The following TRAP1 variants were observed in gnomAD, a reference collection of about 807,000 sequenced individuals.
The protein encoded by TRAP1 is TNF receptor associated protein 1, also known as heat shock protein 75 kDa, mitochondrial.
TRAP1 carries 102 observed loss-of-function variants against 89.1 expected under a neutral mutation model. That is an observed-to-expected ratio of 1.15 (90% CI 0.98 to 1.35). The LOEUF (loss-of-function observed/expected upper bound fraction) is 1.35. Ranked by LOEUF, TRAP1 falls within the 40% of genes most tolerant of loss-of-function variation. The probability of loss-of-function intolerance (pLI) is 0.00; values close to 1 mark genes in which losing one functional copy is unlikely to be tolerated. For synonymous variants in TRAP1, 508 were observed against 388.0 expected, an observed-to-expected ratio of 1.31 and a Z score of -3.64; for missense variants, 1,256 against 945.3, an observed-to-expected ratio of 1.33 and a Z score of -4.31.
chr16:3,677,149 G>T (rs1021022298), intron 6 of TRAP1, among the ~76,000 whole-genome samples: 2 of 152,078 alleles, frequency 1.3e-5, no homozygotes, highest in African/African-American at 2.4e-5. Flanking sequence ...TGCCAGGGCT[G>T]GGAGGAAGCA....
intron 1 of TRAP1, 90 bp downstream of exon 1, chr16:3,717,330 TG>T: frequency 4.4e-6 from 2 of 456,616 alleles, no homozygotes; most frequent in African/African-American, 4.1e-5. Flanking sequence ...GTGAAGCAGG[TG>T]CCGGCGCCTC....
chr16:3,679,457 C>T (rs984365248), intron 5 of TRAP1, among the ~76,000 whole-genome samples: 2 of 152,086 alleles, frequency 1.3e-5, no homozygotes, highest in Admixed American at 6.5e-5. Flanking sequence ...CTACAATATA[C>T]GGCACCAATT....
At chr16:3,702,848 G>A (rs2051385777) in intron 1 of TRAP1, among the ~76,000 whole-genome samples, 1 of 151,440 alleles carries the variant, frequency 6.6e-6, no homozygotes, top group South Asian at 2.1e-4. Context: ...TTTGAGACCA[G>A]CCTGACCAAC....
rs540853737 is a variant in TRAP1 at position 3,687,827 on chromosome 16, G to A, written c.330+1228C>T. 1.0e-3 allele frequency among the ~76,000 whole-genome samples: 146 copies of A among 141,480 alleles called. 2 individuals are homozygous for A. Among genetic ancestry groups the A allele is most frequent in the Non-Finnish European group, 2.0e-3 (134 of 66,764 alleles). 92.8% of individuals were successfully genotyped at this position (141,480 alleles called of 152,430 possible). ...CATACCACTGCACTCCAGCCTGGGC[G>A]TCAGACCCAGACCCTGTTCCAAAAA... is the stretch of plus-strand genomic sequence containing the variant. On this transcript the variant is annotated intron_variant, in intron 3 of 17. Transcript: ENST00000246957.
intron 1 of TRAP1, 168 bp from the exon 2 acceptor site, chr16:3,691,153 G>A (rs965872567): frequency 2.7e-5 from 15 of 558,360 alleles, no homozygotes; most frequent in East Asian, 1.4e-4. Flanking sequence ...TCAGGGTGTG[G>A]TTTTGGCAAG....
chr16:3,699,443 C>T (rs550584253), intron 1 of TRAP1, among the ~76,000 whole-genome samples: 3 of 151,644 alleles, frequency 2.0e-5, no homozygotes, highest in South Asian at 2.1e-4. Flanking sequence ...TCAAGACCAG[C>T]GTGACCAACA....
chr16:3,702,016 G>A (rs906347600), intron 1 of TRAP1, among the ~76,000 whole-genome samples: 8 of 152,068 alleles, frequency 5.3e-5, no homozygotes, highest in South Asian at 2.1e-4. Flanking sequence ...CGAGACCAGC[G>A]TGGCCAACAT....
chr16:3,686,478 C>T (rs1454375468), intron 3 of TRAP1, among the ~76,000 whole-genome samples: 2 of 152,108 alleles, frequency 1.3e-5, no homozygotes, highest in East Asian at 3.9e-4. Context: ...CCACACCCAG[C>T]TAATTGTTTT....
chr16:3,671,244 G>A (rs1327813769), intron 11 of TRAP1, among the ~76,000 whole-genome samples: 1 of 152,152 alleles, frequency 6.6e-6, no homozygotes, highest in African/African-American at 2.4e-5. Flanking sequence ...TGAGAGCACA[G>A]GTCACTTGAA....
intron 1 of TRAP1, among the ~76,000 whole-genome samples, chr16:3,707,915 C>T (rs1028034424): frequency 4.0e-5 from 6 of 150,574 alleles, no homozygotes; most frequent in Non-Finnish European, 2.9e-5. Flanking sequence ...CCAGGCACGA[C>T]GGCTCCTGCG....
chr16:3,693,097 C>A (rs1427597375), intron 1 of TRAP1, among the ~76,000 whole-genome samples: 3 of 152,020 alleles, frequency 2.0e-5, no homozygotes, highest in Non-Finnish European at 2.9e-5. Context: ...GGACTACAGG[C>A]ACCAGCCACC....
chr16:3,689,465 C>T (rs2270186), intron 2 of TRAP1, among the ~76,000 whole-genome samples: 24,185 of 151,998 alleles, frequency 0.16, 2,005 homozygotes, highest in African/African-American at 0.18. Context: ...AGGATAGCCT[C>T]GATCTCCTGA....
intron 1 of TRAP1, among the ~76,000 whole-genome samples, chr16:3,711,329 G>A (rs997035697): frequency 3.9e-5 from 6 of 152,122 alleles, no homozygotes; most frequent in South Asian, 2.1e-4. Context: ...GGCTGGGAAC[G>A]GTGGCGCACA....
rs551078113 is a variant in TRAP1 at position 3,710,630 on chromosome 16, C to G, written c.88+6791G>C. Among the ~76,000 whole-genome samples, 187 of 152,176 alleles carry G rather than the reference C, an allele frequency of 1.2e-3. 1 individual carries two copies. Among genetic ancestry groups the G allele is most frequent in the Non-Finnish European group, 1.6e-3 (111 of 67,998 alleles). Reference sequence around the variant, plus strand: ...CTCGTGGAAAATTCGCTTGAACATTCCATTGCCTGACAAATGCTGAAATAC... The same window carrying G: ...CTCGTGGAAAATTCGCTTGAACATTGCATTGCCTGACAAATGCTGAAATAC... On this transcript the variant is annotated intron_variant, in intron 1 of 17. Transcript: ENST00000246957.
intron 4 of TRAP1, among the ~76,000 whole-genome samples, chr16:3,681,697 A>T (rs2051075264): frequency 6.6e-6 from 1 of 152,226 alleles, no homozygotes. Flanking sequence ...TACATCAGAA[A>T]CTTAAATAGA....
chr16:3,659,063 T>A (rs923879874), intron 16 of TRAP1, 198 bp from the exon 17 acceptor site: 1 of 588,478 alleles, frequency 1.7e-6, no homozygotes, highest in Admixed American at 3.4e-5. Flanking sequence ...AGTGTCAGTA[T>A]TAGAAAATGC....
intron 1 of TRAP1, among the ~76,000 whole-genome samples, chr16:3,696,053 C>T (rs772612058): frequency 3.3e-5 from 5 of 152,304 alleles, no homozygotes; most frequent in East Asian, 1.9e-4. Context: ...AGGGCCCAGG[C>T]GCGATGACCC....
Position 3,666,083 on chromosome 16 carries a change from T to A in TRAP1, c.1271A>T (p.Lys424Ile). 1 of 1,614,048 alleles carries A rather than the reference T, an allele frequency of 6.2e-7. No individual in the cohort carries two copies. The highest frequency in any genetic ancestry group is 8.5e-7 in the Non-Finnish European group (1 of 1,179,986). The change falls in exon 12 of 18, where the codon AAA (lysine) becomes ATA (isoleucine). Residue 424 changes from lysine to isoleucine, a missense_variant. By Grantham distance (102) the Lys-to-Ile change is moderately radical. Transcript: ENST00000246957. The part of the protein sequence containing the change: ...LRDVLQQRLI[K>I]FFIDQSKKDA... ...TTTTTTACTCTGGTCAATGAAGAAT[T>A]TGATCAGCCTCTGCTGTAAAACGTC...
chr16:3,702,404 G>C (rs929956550), intron 1 of TRAP1, among the ~76,000 whole-genome samples: 1 of 151,782 alleles, frequency 6.6e-6, no homozygotes, highest in East Asian at 1.9e-4. Context: ...GACCTGGGAA[G>C]AAGTTTTTTG....
Sources: allele counts gnomAD v4.1 joint callset (sites outside exome capture counted in the v4.1 genomes callset), GRCh38; gene constraint gnomAD v4.1.1; transcripts MANE v1.5; gene names NCBI Gene and HGNC (gene_info 2026-07-23, HGNC 2026-07-21).